LGR5: variants seen among roughly 807,000 people sequenced by gnomAD.
The protein encoded by LGR5 is leucine-rich repeat-containing G protein-coupled receptor 5.
Under a neutral mutation model 76.7 loss-of-function variants are expected in LGR5, and 54 were observed. The ratio of observed to expected loss-of-function variants is 0.70; its 90% CI spans 0.57 to 0.88. LGR5 has a LOEUF of 0.88. Among genes scored for constraint, LGR5 ranks in the 40% least tolerant of loss-of-function variants. The pLI is 0.00. For synonymous variants in LGR5, 406 were observed against 421.9 expected, an observed-to-expected ratio of 0.96 and a Z score of 0.46; for missense variants, 1,078 against 1,073.3, an observed-to-expected ratio of 1.00 and a Z score of -0.06.
chr12:71,480,316 A>G (rs1873534292), intron 1 of LGR5, among the ~76,000 whole-genome samples: 1 of 150,190 alleles, frequency 6.7e-6, no homozygotes, highest in African/African-American at 2.5e-5. Flanking sequence ...AGCCAAGATC[A>G]TGCCACTGCA....
At chr12:71,569,436 C>T (rs974988882) in intron 11 of LGR5, among the ~76,000 whole-genome samples, 2 of 152,320 alleles carry the variant, frequency 1.3e-5, no homozygotes, top group Admixed American at 6.5e-5. Flanking sequence ...TATCCAGAAT[C>T]TACAAGGAAC....
intron 1 of LGR5, chr12:71,441,582 C>G (rs1013509312): frequency 2.0e-5 from 3 of 152,118 alleles, no homozygotes; most frequent in Non-Finnish European, 2.9e-5. Flanking sequence ...GGTAGTGATT[C>G]TTTTTCTGGA....
intron 2 of LGR5, among the ~76,000 whole-genome samples, chr12:71,510,530 TC>T (rs1231601493): frequency 1.3e-5 from 2 of 152,142 alleles, no homozygotes; most frequent in Non-Finnish European, 2.9e-5. Flanking sequence ...CTATACTTCC[TC>T]CATTCACATA....
chr12:71,479,031 G>T (rs554434310), intron 1 of LGR5, among the ~76,000 whole-genome samples: 146 of 152,074 alleles, frequency 9.6e-4, no homozygotes, highest in Non-Finnish European at 1.7e-3. Flanking sequence ...ATTCAATTGC[G>T]AATCAGAGTA....
chr12:71,486,393 G>A (rs986112555), intron 1 of LGR5, among the ~76,000 whole-genome samples: 3 of 151,924 alleles, frequency 2.0e-5, no homozygotes, highest in Admixed American at 2.0e-4. Context: ...CCTGTGAGAG[G>A]ATAAAATGCA....
chr12:71,482,173 C>A (rs1028838523), intron 1 of LGR5, among the ~76,000 whole-genome samples: 1 of 152,142 alleles, frequency 6.6e-6, no homozygotes, highest in African/African-American at 2.4e-5. Context: ...TTCATGTGTA[C>A]CAGTCCAGTG....
chr12:71,484,383 A>G (rs1211395055), intron 1 of LGR5, among the ~76,000 whole-genome samples: 1 of 152,224 alleles, frequency 6.6e-6, no homozygotes, highest in African/African-American at 2.4e-5. Flanking sequence ...TCAAACAGCT[A>G]TATGGTTGAT....
intron 1 of LGR5, among the ~76,000 whole-genome samples, chr12:71,500,148 A>T (rs1874534516): frequency 6.6e-6 from 1 of 152,050 alleles, no homozygotes; most frequent in African/African-American, 2.4e-5. Flanking sequence ...CTCAGTTAAC[A>T]TCTGTAAAAT....
chr12:71,469,659 C>A (rs1280044337), intron 1 of LGR5, among the ~76,000 whole-genome samples: 1 of 152,212 alleles, frequency 6.6e-6, no homozygotes, highest in Admixed American at 6.5e-5. Flanking sequence ...AAAGGATAAA[C>A]GCATGAAGGC....
intron 4 of LGR5, among the ~76,000 whole-genome samples, chr12:71,541,545 GT>G (rs1876881986): frequency 6.6e-6 from 1 of 152,226 alleles, no homozygotes; most frequent in African/African-American, 2.4e-5. Flanking sequence ...TCTGTGATCA[GT>G]TGTGAAAAGA....
chr12:71,505,838 T>A (rs1040545198), intron 2 of LGR5, among the ~76,000 whole-genome samples: 1 of 152,284 alleles, frequency 6.6e-6, no homozygotes, highest in African/African-American at 2.4e-5. Flanking sequence ...CTAGATTGTA[T>A]AGAAGGTTTT....
At chr12:71,521,274 C>G (rs1875716217) in intron 2 of LGR5, among the ~76,000 whole-genome samples, 1 of 152,206 alleles carries the variant, frequency 6.6e-6, no homozygotes. Flanking sequence ...GCCCAGACAG[C>G]TAAATAATCC....
intron 13 of LGR5, among the ~76,000 whole-genome samples, chr12:71,576,876 T>C (rs1235036895): frequency 6.6e-6 from 1 of 152,126 alleles, no homozygotes; most frequent in African/African-American, 2.4e-5. Flanking sequence ...CAGAAGACAG[T>C]CTTCTCACTC....
chr12:71,496,264 G>A (rs560929466), intron 1 of LGR5, among the ~76,000 whole-genome samples: 2 of 151,526 alleles, frequency 1.3e-5, no homozygotes, highest in South Asian at 4.2e-4. Flanking sequence ...CCAGATACTC[G>A]GGAGGCTGAG....
intron 1 of LGR5, among the ~76,000 whole-genome samples, chr12:71,489,858 T>G (rs1244913499): frequency 6.6e-6 from 1 of 151,914 alleles, no homozygotes; most frequent in Non-Finnish European, 1.5e-5. Flanking sequence ...AGCCCAGGAC[T>G]TTGAGATCAG....
chr12:71,439,446 C>G (rs1871633552), upstream of LGR5, among the ~76,000 whole-genome samples: 1 of 152,164 alleles, frequency 6.6e-6, no homozygotes, highest in Admixed American at 6.5e-5. Context: ...ATCCTCCAGT[C>G]CTTGTGCGTC....
chr12:71,451,830 A>G (rs186053848), intron 1 of LGR5, among the ~76,000 whole-genome samples: 4 of 152,202 alleles, frequency 2.6e-5, no homozygotes, highest in African/African-American at 9.6e-5. Flanking sequence ...AGGGCTAGGG[A>G]ATTCCTGGAG....
intron 1 of LGR5, among the ~76,000 whole-genome samples, chr12:71,486,576 G>A (rs1873836925): frequency 6.6e-6 from 1 of 151,994 alleles, no homozygotes; most frequent in African/African-American, 2.4e-5. Context: ...TACATTTTGG[G>A]CAACAATATC....
At chr12:71,583,007 G>A in intron 17 of LGR5, among the ~76,000 whole-genome samples, 1 of 142,130 alleles carries the variant, frequency 7.0e-6, no homozygotes, top group Non-Finnish European at 1.5e-5. Context: ...GGGAGGGGAG[G>A]GAAGGGAAGG....
Sources: allele counts gnomAD v4.1 joint callset (sites outside exome capture counted in the v4.1 genomes callset), GRCh38; gene constraint gnomAD v4.1.1; transcripts MANE v1.5; gene names NCBI Gene and HGNC (gene_info 2026-07-23, HGNC 2026-07-21).